The following VAV1 variants were observed in gnomAD, a reference collection of about 807,000 sequenced individuals.
The protein encoded by VAV1 is proto-oncogene vav.
Under a neutral mutation model 128.1 loss-of-function variants are expected in VAV1, and 33 were observed. The observed-to-expected ratio is 0.26, with a 90% CI of 0.20 to 0.34. VAV1 has a LOEUF of 0.34. Among genes scored for constraint, VAV1 ranks in the 10% least tolerant of loss-of-function variants. The pLI is 1.00. For missense variants in VAV1, 715 were observed against 1,093.7 expected (o/e 0.65, Z 4.88); for synonymous variants, 394 against 409.8 (o/e 0.96, Z 0.47).
intron 24 of VAV1, among the ~76,000 whole-genome samples, chr19:6,852,648 G>A (rs1415303713): frequency 6.6e-6 from 1 of 151,818 alleles, no homozygotes; most frequent in Non-Finnish European, 1.5e-5. Flanking sequence ...ATGAACCCTG[G>A]AGGCGGAGCT....
Position 6,826,516 on chromosome 19 carries a change from T to C in VAV1, c.828-96T>C. ...TGGAGAAACTGGGACTCAGGTTTCT[T>C]CTCCAGCGGGGAAGAGCAAGGCCAG... is the stretch of plus-strand genomic sequence containing the variant. On this transcript the variant is annotated intron_variant, in intron 8 of 26. Transcript: ENST00000602142. The surrounding 1 kb of genome is among the most constrained non-coding windows in gnomAD (Gnocchi z 4.1). 1.1e-6 allele frequency: 1 copy of C among 872,896 alleles called. No homozygotes were observed. The highest frequency in any genetic ancestry group is 2.1e-5 in the Admixed American group (1 of 47,192). 54.1% of individuals were successfully genotyped at this position (872,896 alleles called of 1,614,324 possible).
At chr19:6,843,599 C>CT (rs1381161009) in intron 22 of VAV1, among the ~76,000 whole-genome samples, 3 of 152,154 alleles carry the variant, frequency 2.0e-5, no homozygotes, top group Non-Finnish European at 4.4e-5. Context: ...CCTTACCTAG[C>CT]TGTATGACCT....
chr19:6,803,781 C>T (rs1385966947), intron 1 of VAV1, among the ~76,000 whole-genome samples: 39 of 152,054 alleles, frequency 2.6e-4, no homozygotes, highest in African/African-American at 9.2e-4. Flanking sequence ...GCCAGGCTGG[C>T]CTCAAACTCC....
intron 1 of VAV1, among the ~76,000 whole-genome samples, chr19:6,799,068 G>C (rs1049929572): frequency 1.3e-5 from 2 of 152,054 alleles, no homozygotes; most frequent in African/African-American, 4.8e-5. Flanking sequence ...ATGATGTCCT[G>C]GTTCATCCAT....
intron 16 of VAV1, 46 bp from the exon 17 acceptor site, chr19:6,833,482 T>C (rs1198841691): frequency 3.9e-6 from 6 of 1,533,412 alleles, no homozygotes; most frequent in African/African-American, 1.4e-5. Context: ...TTTGGCCCTG[T>C]CTGTAAAGGT....
chr19:6,854,107 G>A lies in VAV1; in HGVS notation c.2484+9G>A, dbSNP rs375465004. ...GGGAGATCTATGGCCGGGTGAGGCA[G>A]GCAGGGCTGGGTGACGGGGAGGGCA... On this transcript the variant is annotated intron_variant, in intron 26 of 26. Transcript: ENST00000602142. 8 of 1,611,910 alleles carry A rather than the reference G, an allele frequency of 5.0e-6. No individual in the cohort carries two copies. The highest frequency in any genetic ancestry group is 1.1e-5 in the South Asian group (1 of 91,000).
chr19:6,816,241 C>A (rs964575979), intron 1 of VAV1, among the ~76,000 whole-genome samples: 2 of 151,958 alleles, frequency 1.3e-5, no homozygotes, highest in African/African-American at 4.8e-5. Context: ...AGGATGGTCT[C>A]GATCTCCTGA....
intron 1 of VAV1, among the ~76,000 whole-genome samples, chr19:6,787,667 G>T (rs1970924486): frequency 6.6e-6 from 1 of 151,866 alleles, no homozygotes; most frequent in Non-Finnish European, 1.5e-5. Context: ...CATAGTCATA[G>T]CTCCCTGCAG....
At chr19:6,776,322 A>G (rs1431339578) in intron 1 of VAV1, among the ~76,000 whole-genome samples, 1 of 114,070 alleles carries the variant, frequency 8.8e-6, no homozygotes, top group Non-Finnish European at 1.8e-5. Context: ...CCATCCATCC[A>G]TCTGCTCATC....
chr19:6,847,875 G>C (rs1972562846), intron 22 of VAV1, 123 bp from the exon 23 acceptor site: 4 of 863,100 alleles, frequency 4.6e-6, no homozygotes, highest in Non-Finnish European at 6.6e-6. Flanking sequence ...AGGGCTGTTA[G>C]AGCCAGGCTG....
chr19:6,812,489 T>C (rs1971535044), intron 1 of VAV1, among the ~76,000 whole-genome samples: 1 of 152,054 alleles, frequency 6.6e-6, no homozygotes, highest in Non-Finnish European at 1.5e-5. Flanking sequence ...ACCCTGTCTC[T>C]ACTAAAAAGA....
chr19:6,798,448 T>A (rs148500301), intron 1 of VAV1, among the ~76,000 whole-genome samples: 155 of 152,014 alleles, frequency 1.0e-3, no homozygotes, highest in African/African-American at 3.5e-3. Context: ...GGCAACATGG[T>A]GAGACCAGCC....
intron 1 of VAV1, among the ~76,000 whole-genome samples, chr19:6,787,018 C>CTTTT (rs1422740523): frequency 4.8e-5 from 6 of 124,704 alleles, no homozygotes; most frequent in East Asian, 2.2e-4. Context: ...GACACGCTGT[C>CTTTT]TATTTTTTTT....
intron 1 of VAV1, among the ~76,000 whole-genome samples, chr19:6,797,139 G>A (rs1482840440): frequency 6.6e-6 from 1 of 151,498 alleles, no homozygotes; most frequent in African/African-American, 2.4e-5. Context: ...GGCTGAGGCA[G>A]GAGAATCACT....
In VAV1 at chr19:6,857,078, G is replaced by A. The variant is rs774471900; in HGVS notation, c.2509G>A (p.Val837Met). ...GGTTGGCTGGTTCCCTGCCAACTAC[G>A]TGGAGGAAGATTATTCTGAATACTG... ...GRVGWFPANYVEEDYSEYC is the reference protein window; with the variant it reads ...GRVGWFPANYMEEDYSEYC Residue 837 changes from valine (V) to methionine (M), a missense_variant, in exon 27 of 27, where the codon GTG becomes ATG. Physicochemically the swap from Val to Met is conservative, Grantham distance 21 (BLOSUM62 1). Coordinates refer to ENST00000602142, the MANE Select transcript of VAV1 (RefSeq NM_005428.4). 1 of 1,614,110 alleles carries A rather than the reference G, an allele frequency of 6.2e-7. No homozygotes were observed.
intron 1 of VAV1, among the ~76,000 whole-genome samples, chr19:6,813,964 G>A (rs918961784): frequency 9.2e-5 from 14 of 152,070 alleles, no homozygotes; most frequent in African/African-American, 2.4e-4. Context: ...GGAGACTGAC[G>A]CAGGAGGATC....
At chr19:6,823,609 G>A (rs1041931534) in intron 6 of VAV1, among the ~76,000 whole-genome samples, 6 of 151,740 alleles carry the variant, frequency 4.0e-5, no homozygotes, top group African/African-American at 1.5e-4. Context: ...AGGCTGCACT[G>A]GGCCTCTTCC....
intron 1 of VAV1, among the ~76,000 whole-genome samples, chr19:6,813,724 A>G (rs1469171076): frequency 1.3e-5 from 2 of 152,146 alleles, no homozygotes; most frequent in Non-Finnish European, 2.9e-5. Flanking sequence ...GATTAAATCT[A>G]TAGCTCAATT....
chr19:6,825,476 C>T, intron 8 of VAV1, 70 bp downstream of exon 8: 2 of 1,357,432 alleles, frequency 1.5e-6, no homozygotes, highest in East Asian at 2.4e-5. Context: ...ATCTGAGAGA[C>T]CTTACCCTCA....
Sources: allele counts gnomAD v4.1 joint callset (sites outside exome capture counted in the v4.1 genomes callset), GRCh38; gene constraint gnomAD v4.1.1; non-coding constraint Gnocchi (gnomAD v3.1); transcripts MANE v1.5; gene names NCBI Gene and HGNC (gene_info 2026-07-23, HGNC 2026-07-21).